SPAG16: variants seen among roughly 807,000 people sequenced by gnomAD.
SPAG16 encodes sperm associated antigen 16, also known as sperm-associated antigen 16 protein.
A neutral mutation model predicts 80.4 loss-of-function variants in SPAG16; 86 were observed. The observed-to-expected ratio is 1.07, with a 90% CI of 0.90 to 1.28. The LOEUF is 1.28. SPAG16 is among the 50% of genes most tolerant of loss of function. SPAG16 has a pLI of 0.00. For synonymous variants in SPAG16, 294 were observed against 265.9 expected (o/e 1.11, Z -1.03); for missense variants, 870 against 765.3 (o/e 1.14, Z -1.61).
Position 213,297,244 on chromosome 2 carries a change from T to G in SPAG16, c.184-18T>G. The G allele has an allele frequency of 6.3e-7, 1 of 1,581,984 alleles. No individual in the cohort carries two copies. Among genetic ancestry groups the G allele is most frequent in the Non-Finnish European group, 8.6e-7 (1 of 1,157,356 alleles). On this transcript the variant is annotated intron_variant, in intron 2 of 15. Coordinates refer to ENST00000331683, the MANE Select transcript of SPAG16 (RefSeq NM_024532.5). ...TTTCTGCTCACTCTTCCTATCCTTCTCTTTCTCTGTGATCTAGATACCAGA... is the reference window on the plus strand; with the variant it reads ...TTTCTGCTCACTCTTCCTATCCTTCGCTTTCTCTGTGATCTAGATACCAGA...
At chr2:213,510,731 T>A (rs1313089167) in intron 10 of SPAG16, among the ~76,000 whole-genome samples, 2 of 152,186 alleles carry the variant, frequency 1.3e-5, no homozygotes, top group Non-Finnish European at 2.9e-5. Context: ...TACTTGACCA[T>A]GAAACATCAA....
chr2:213,562,756 T>G (rs2059634201), intron 10 of SPAG16, among the ~76,000 whole-genome samples: 1 of 152,022 alleles, frequency 6.6e-6, no homozygotes, highest in African/African-American at 2.4e-5. Flanking sequence ...AATGTCATAT[T>G]TATAGATGGT....
At chr2:213,825,599 T>C (rs992909595) in intron 10 of SPAG16, among the ~76,000 whole-genome samples, 1 of 152,092 alleles carries the variant, frequency 6.6e-6, no homozygotes, top group Admixed American at 6.6e-5. Context: ...GAGTCATCTT[T>C]GTAATGTATT....
At chr2:213,750,563 A>G (rs1254282081) in intron 10 of SPAG16, among the ~76,000 whole-genome samples, 6 of 152,130 alleles carry the variant, frequency 3.9e-5, no homozygotes, top group African/African-American at 1.2e-4. Context: ...GTAAATTCCA[A>G]TCGATTAAAA....
At chr2:213,404,151 C>G (rs1221114613) in intron 9 of SPAG16, among the ~76,000 whole-genome samples, 10 of 152,052 alleles carry the variant, frequency 6.6e-5, no homozygotes, top group African/African-American at 2.2e-4. Flanking sequence ...TTTATAGATT[C>G]AATGCCATCC....
intron 9 of SPAG16, among the ~76,000 whole-genome samples, chr2:213,458,425 A>G (rs975256344): frequency 3.3e-5 from 5 of 151,886 alleles, no homozygotes; most frequent in African/African-American, 1.2e-4. Context: ...AAAAAAAAGT[A>G]GCTGGGCGTG....
At chr2:213,359,445 C>T (rs2065854777) in intron 7 of SPAG16, among the ~76,000 whole-genome samples, 1 of 152,156 alleles carries the variant, frequency 6.6e-6, no homozygotes, top group Non-Finnish European at 1.5e-5. Context: ...TTGAGCTTCC[C>T]AGCTGCTTTG....
intron 13 of SPAG16, among the ~76,000 whole-genome samples, chr2:214,094,183 G>A (rs141637932): frequency 0.012 from 1,808 of 152,152 alleles, 17 homozygotes; most frequent in Non-Finnish European, 0.014. Flanking sequence ...TTATACCATG[G>A]CAGTTTGCAA....
chr2:214,185,213 A>T (rs752147542), intron 15 of SPAG16, among the ~76,000 whole-genome samples: 16 of 152,080 alleles, frequency 1.1e-4, no homozygotes, highest in Non-Finnish European at 1.8e-4. Context: ...CAATTCAAGA[A>T]AATAACCTTT....
chr2:213,798,639 C>G (rs992137347), intron 10 of SPAG16, among the ~76,000 whole-genome samples: 1 of 152,110 alleles, frequency 6.6e-6, no homozygotes, highest in South Asian at 2.1e-4. Context: ...ACTTTTAATA[C>G]AATCTAATGA....
rs1014009518 is a variant in SPAG16 at position 213,554,111 on chromosome 2, A to G, written c.1070+64021A>G. Among the ~76,000 whole-genome samples, 5 of 152,324 alleles carry G rather than the reference A, an allele frequency of 3.3e-5. 1 individual carries two copies. In the South Asian group the frequency reaches 6.2e-4, roughly 19 times the overall value. ...TACACAAGACAGATACAGTTCCAGGACAGATTCCCCTTAGTAACAACTTCT... is the reference window on the plus strand; with the variant it reads ...TACACAAGACAGATACAGTTCCAGGGCAGATTCCCCTTAGTAACAACTTCT... On this transcript the variant is annotated intron_variant, in intron 10 of 15. Coordinates refer to ENST00000331683, the MANE Select transcript of SPAG16 (RefSeq NM_024532.5).
At chr2:213,538,105 A>G (rs1408198215) in intron 10 of SPAG16, among the ~76,000 whole-genome samples, 1 of 152,212 alleles carries the variant, frequency 6.6e-6, no homozygotes, top group East Asian at 1.9e-4. Context: ...CCAAGCTATG[A>G]TAGTGAAAAT....
At chr2:213,766,718 G>T (rs1206357905) in intron 10 of SPAG16, among the ~76,000 whole-genome samples, 1 of 152,186 alleles carries the variant, frequency 6.6e-6, no homozygotes, top group Non-Finnish European at 1.5e-5. Flanking sequence ...TGAAGTACAG[G>T]CTACTGAGTC....
At chr2:214,261,107 C>CAAAAAAA (rs558534808) in intron 15 of SPAG16, among the ~76,000 whole-genome samples, 12 of 54,472 alleles carry the variant, frequency 2.2e-4, no homozygotes, top group African/African-American at 2.3e-4. Flanking sequence ...GACTCAGTCT[C>CAAAAAAA]AAAAAAAAAA....
intron 10 of SPAG16, among the ~76,000 whole-genome samples, chr2:213,521,904 G>T (rs1193883093): frequency 1.3e-5 from 2 of 152,182 alleles, no homozygotes; most frequent in African/African-American, 4.8e-5. Context: ...GGGAAGACTT[G>T]CATTTGTGGT....
intron 11 of SPAG16, among the ~76,000 whole-genome samples, chr2:213,897,492 T>C (rs1292989611): frequency 1.3e-5 from 2 of 152,206 alleles, no homozygotes; most frequent in Non-Finnish European, 2.9e-5. Context: ...TTTATTGTTT[T>C]CTTGGATATA....
intron 9 of SPAG16, among the ~76,000 whole-genome samples, chr2:213,415,150 A>C (rs2069180572): frequency 6.6e-6 from 1 of 152,226 alleles, no homozygotes. Flanking sequence ...AGCCAAGCTA[A>C]AGCTTGATGG....
intron 10 of SPAG16, among the ~76,000 whole-genome samples, chr2:213,834,288 A>C (rs1186332209): frequency 1.3e-5 from 2 of 152,166 alleles, no homozygotes; most frequent in East Asian, 1.9e-4. Context: ...AAAGCATAAA[A>C]ATTTTATTTA....
intron 10 of SPAG16, among the ~76,000 whole-genome samples, chr2:213,665,542 A>G (rs528783021): frequency 2.6e-5 from 4 of 152,288 alleles, no homozygotes; most frequent in African/African-American, 9.6e-5. Context: ...TTCAGATGGT[A>G]GAGTTTCATT....
Sources: allele counts gnomAD v4.1 joint callset (sites outside exome capture counted in the v4.1 genomes callset), GRCh38; gene constraint gnomAD v4.1.1; transcripts MANE v1.5; gene names NCBI Gene and HGNC (gene_info 2026-07-23, HGNC 2026-07-21).